Variants in SLC30A10 observed in about 807,000 individuals in gnomAD.
The protein encoded by SLC30A10 is calcium/manganese antiporter SLC30A10.
SLC30A10 carries 8 observed loss-of-function variants against 21.7 expected under a neutral mutation model. That is an observed-to-expected ratio of 0.37 (90% CI 0.22 to 0.67). The LOEUF is 0.67. Ranked by LOEUF, SLC30A10 falls within the 30% of genes least tolerant of loss-of-function variation. SLC30A10 has a pLI of 0.58. For missense variants in SLC30A10, 521 were observed against 642.5 expected (o/e 0.81, Z 2.04); for synonymous variants, 272 against 279.4 (o/e 0.97, Z 0.26).
rs111268764 is a variant in SLC30A10, at chr1:219,918,119, AT to A, written c.958+135del. The stretch of plus-strand genomic sequence containing the variant: ...ATCTTAATAGGCTATAAAACATATG[AT>A]GACATCTCTACCACCTGGTGATTTA... On this transcript the variant is annotated intron_variant, in intron 3 of 3. Coordinates refer to ENST00000366926, the MANE Select transcript of SLC30A10 (RefSeq NM_018713.3). The surrounding 1 kb of genome is among the most constrained non-coding windows in gnomAD (Gnocchi z 4.4). 2.3e-3 allele frequency: 2,655 copies of A among 1,169,356 alleles called. 39 individuals are homozygous for A. The African/African-American group carries it at 0.033, about 14-fold the overall frequency. 72.4% of individuals were successfully genotyped at this position (1,169,356 alleles called of 1,614,324 possible). A position where few individuals can be genotyped will look rare whatever the true frequency, so the allele number is the denominator to read the frequency against.
chr1:219,927,325 A>G (rs2102534053), intron 1 of SLC30A10, among the ~76,000 whole-genome samples: 1 of 152,226 alleles, frequency 6.6e-6, no homozygotes, highest in Admixed American at 6.5e-5. Flanking sequence ...TAAAACAAAA[A>G]GAGGGTGAAT....
Position 219,914,775 on chromosome 1 carries a change from T to C in SLC30A10, c.*674A>G. The C allele has an allele frequency of 6.6e-6, 1 of 152,236 alleles. No individual in the cohort carries two copies. Among genetic ancestry groups the C allele is most frequent in the Admixed American group, 6.5e-5 (1 of 15,292 alleles). 9.4% of individuals were successfully genotyped at this position (152,236 alleles called of 1,614,324 possible). On this transcript the variant is annotated 3_prime_UTR_variant, in exon 4 of 4. Transcript: ENST00000366926. The stretch of plus-strand genomic sequence containing the variant: ...ATATATTTAAGCATTTGAAACATTC[T>C]ATAGCTGCAGTTCAGTTCACAGCAG...
intron 1 of SLC30A10, among the ~76,000 whole-genome samples, chr1:219,933,890 C>T (rs573560577): frequency 6.6e-6 from 1 of 152,234 alleles, no homozygotes; most frequent in South Asian, 2.1e-4. Context: ...AGTGACTCAA[C>T]GCCTGTAATC....
chr1:219,955,121 G>T (rs567927940), intron 1 of SLC30A10, among the ~76,000 whole-genome samples: 8 of 152,172 alleles, frequency 5.3e-5, no homozygotes, highest in African/African-American at 1.9e-4. Context: ...CCTAGAGAAA[G>T]AAACTGGCTC....
At chr1:219,931,568 C>A (rs147268334), upstream of SLC30A10, among the ~76,000 whole-genome samples, 1 of 152,236 alleles carries the variant, frequency 6.6e-6, no homozygotes, top group East Asian at 1.9e-4. Context: ...ACAACCTCTG[C>A]CCTCTGGGTT....
At chr1:219,916,099 G>A in intron 3 of SLC30A10, 151 bp from the exon 4 acceptor site, 2 of 930,396 alleles carry the variant, frequency 2.1e-6, no homozygotes, top group Non-Finnish European at 3.2e-6. Context: ...ACCTCTGTGG[G>A]TACATTTGCC....
At chr1:219,921,907 A>G (rs57083160) in intron 2 of SLC30A10, among the ~76,000 whole-genome samples, 172 of 65,798 alleles carry the variant, frequency 2.6e-3, no homozygotes, top group African/African-American at 9.1e-3. Context: ...GTGTGTGTGA[A>G]AGAGAGAGAG....
rs1371997757 is a variant in SLC30A10, at chr1:219,927,876, A to T, written c.565T>A (p.Ser189Thr). 6.5e-7 allele frequency: 1 copy of T among 1,543,154 alleles called. No individual in the cohort carries two copies. Among genetic ancestry groups the T allele is most frequent in the East Asian group, 2.6e-5 (1 of 39,070 alleles). ...AADPTAPGSD[S>T]AVTLRGTSVE... ...GAGGTCCCCCGGAGGGTTACGGCCG[A>T]GTCCGAGCCTGGGGCTGTCGGGTCC... The change falls in exon 1 of 4, where the codon TCG becomes ACG. Residue 189 changes from serine to threonine, a missense_variant. Physicochemically the swap from Ser to Thr is moderately conservative, Grantham distance 58. Coordinates refer to ENST00000366926, the MANE Select transcript of SLC30A10 (RefSeq NM_018713.3).
In SLC30A10 at chr1:219,927,680, A is replaced by ACAAC. The variant is rs1397535678; in HGVS notation, c.640+120_640+121insGTTG. On this transcript the variant is annotated intron_variant, in intron 1 of 3. Coordinates refer to ENST00000366926, the MANE Select transcript of SLC30A10 (RefSeq NM_018713.3). ...AAAAAAAAAAAAAACAACAACAACA[A>ACAAC]AAAAAAAAAAACAGAAAAAAAGCAT... 4.4e-4 allele frequency: 199 copies of ACAAC among 448,918 alleles called. 4 individuals are homozygous for ACAAC. Among genetic ancestry groups the ACAAC allele is most frequent in the Middle Eastern group, 1.3e-3 (3 of 2,232 alleles). 27.8% of individuals were successfully genotyped at this position (448,918 alleles called of 1,614,324 possible). A position where few individuals can be genotyped will look rare whatever the true frequency, so the allele number is the denominator to read the frequency against.
intron 1 of SLC30A10, among the ~76,000 whole-genome samples, chr1:219,947,104 T>C (rs1271865903): frequency 6.6e-6 from 1 of 152,170 alleles, no homozygotes; most frequent in African/African-American, 2.4e-5. Context: ...CTGCTGTTCC[T>C]TTGTAAGGAG....
Position 219,918,203 on chromosome 1 carries a change from C to G in SLC30A10, c.958+52G>C. 1 of 1,591,614 alleles carries G rather than the reference C, an allele frequency of 6.3e-7. No individual in the cohort carries two copies. The highest frequency in any genetic ancestry group is 2.2e-5 in the East Asian group (1 of 44,722). On this transcript the variant is annotated intron_variant, in intron 3 of 3. Transcript: ENST00000366926. The surrounding 1 kb of genome is among the most constrained non-coding windows in gnomAD (Gnocchi z 4.4). The stretch of plus-strand genomic sequence containing the variant: ...TCTTAAATAATGCTTGTCCTTTGGC[C>G]TGAATAACATTAAATTGAGAGTGGT...
At chr1:219,922,604 C>A (rs1461760754) in intron 2 of SLC30A10, among the ~76,000 whole-genome samples, 1 of 152,124 alleles carries the variant, frequency 6.6e-6, no homozygotes, top group Non-Finnish European at 1.5e-5. Flanking sequence ...AGCCAAAGAC[C>A]TTATGAGAGT....
At chr1:219,931,686 G>A (rs573509504), upstream of SLC30A10, among the ~76,000 whole-genome samples, 5 of 152,238 alleles carry the variant, frequency 3.3e-5, no homozygotes, top group South Asian at 1.0e-3. Flanking sequence ...TCACCACGTT[G>A]GCCAAGCTGG....
intron 1 of SLC30A10, among the ~76,000 whole-genome samples, chr1:219,958,050 C>G (rs997032823): frequency 1.3e-5 from 2 of 152,212 alleles, no homozygotes; most frequent in African/African-American, 4.8e-5. Flanking sequence ...CGCCATTTTA[C>G]ATACCATTCC....
rs976832862 is a variant in SLC30A10, at chr1:219,921,836, T to C, written c.719-3342A>G. ...AGAAGGCCTGGTCATGACCATTAAC[T>C]ACAGTGCACTGGCAAAATTCTGTGG... On this transcript the variant is annotated intron_variant, in intron 2 of 3. Transcript: ENST00000366926. 2.6e-5 allele frequency among the ~76,000 whole-genome samples: 4 copies of C among 151,772 alleles called. No individual in the cohort carries two copies. The East Asian group carries it at 7.8e-4, about 30-fold the overall frequency.
At chr1:219,921,273 T>C (rs1294045248) in intron 2 of SLC30A10, among the ~76,000 whole-genome samples, 1 of 152,212 alleles carries the variant, frequency 6.6e-6, no homozygotes, top group Non-Finnish European at 1.5e-5. Flanking sequence ...AAAACTGGAA[T>C]CTGACCCTTT....
At chr1:219,954,150 C>T (rs1660311605) in intron 1 of SLC30A10, among the ~76,000 whole-genome samples, 1 of 151,982 alleles carries the variant, frequency 6.6e-6, no homozygotes, top group African/African-American at 2.4e-5. Context: ...TGACTTGTTT[C>T]AGCGGCTACA....
Position 219,915,837 on chromosome 1 carries a change from C to G in SLC30A10, c.1070G>C (p.Arg357Thr). The change falls in exon 4 of 4, where the codon AGG becomes ACG. Residue 357 changes from arginine (R) to threonine (T), a missense_variant. Physicochemically the swap from Arg to Thr is moderately conservative, Grantham distance 71. Coordinates refer to ENST00000366926, the MANE Select transcript of SLC30A10 (RefSeq NM_018713.3). ...TTTTGTGCTGGCATCTTGATATCCCCTGTCCTTAGGATACTTGATGTGCAG... is the reference window on the plus strand; with the variant it reads ...TTTTGTGCTGGCATCTTGATATCCCGTGTCCTTAGGATACTTGATGTGCAG... ...ATLHIKYPKD[R>T]GYQDASTKIR... is the part of the protein sequence containing the mutation. The G allele has an allele frequency of 6.2e-7, 1 of 1,614,220 alleles. No individual in the cohort carries two copies. The highest frequency in any genetic ancestry group is 1.1e-5 in the South Asian group (1 of 91,082).
chr1:219,929,910 G>A (rs1022095573), upstream of SLC30A10, among the ~76,000 whole-genome samples: 1 of 152,180 alleles, frequency 6.6e-6, no homozygotes, highest in East Asian at 1.9e-4. Flanking sequence ...GGCTGAGGAA[G>A]GGACCCTTGA....
Sources: allele counts gnomAD v4.1 joint callset (sites outside exome capture counted in the v4.1 genomes callset), GRCh38; gene constraint gnomAD v4.1.1; non-coding constraint Gnocchi (gnomAD v3.1); transcripts MANE v1.5; gene names NCBI Gene and HGNC (gene_info 2026-07-23, HGNC 2026-07-21).